KMT2B: variants seen among roughly 807,000 people sequenced by gnomAD.
KMT2B encodes histone-lysine N-methyltransferase 2B.
A neutral mutation model predicts 255.3 loss-of-function variants in KMT2B; 22 were observed. The ratio of observed to expected loss-of-function variants is 0.09; its 90% CI spans 0.06 to 0.12. The LOEUF is 0.12. Ranked by LOEUF, KMT2B falls within the 10% of genes least tolerant of loss-of-function variation. KMT2B has a pLI of 1.00. For missense variants in KMT2B, 3,149 were observed against 3,737.0 expected (o/e 0.84, Z 4.10); for synonymous variants, 1,730 against 1,498.1 (o/e 1.15, Z -3.57).
Position 35,732,128 on chromosome 19 carries a change from C to T in KMT2B, c.5658C>T (p.Pro1886=), listed in dbSNP as rs759413396. ...PLGGVSFGPL[P]SPGSPSSLTH... is the part of the protein sequence containing the mutation. ...GGGGTGTCTCCTTTGGCCCCCTGCC[C>T]TCCCCTGGTGAGCACCGGGCATGTG... Residue 1886 remains proline (P), a synonymous_variant, in exon 27 of 37, where the codon CCC becomes CCT. Transcript: ENST00000420124. The T allele has an allele frequency of 1.1e-5, 17 of 1,591,976 alleles. No individual in the cohort carries two copies. The African/African-American group carries it at 1.5e-4, about 14-fold the overall frequency.
chr19:35,737,345 A>T lies in KMT2B; in HGVS notation c.7550+82A>T. 7.3e-7 allele frequency: 1 copy of T among 1,365,548 alleles called. No individual in the cohort carries two copies. The highest frequency in any genetic ancestry group is 9.7e-7 in the Non-Finnish European group (1 of 1,032,976). The allele number at this position is 1,365,548 out of a possible 1,614,324, so 84.6% of individuals were successfully genotyped here. The stretch of plus-strand genomic sequence containing the variant: ...GGTGGGAGTTAACTGTAGAGGTTGG[A>T]AACTGAGGCCTGGGGAGGAGACACT... On this transcript the variant is annotated intron_variant, in intron 33 of 36. Coordinates refer to ENST00000420124, the MANE Select transcript of KMT2B (RefSeq NM_014727.3). This position sits in a 1 kb window ranked among gnomAD's most constrained non-coding sequence, Gnocchi z 5.3.
Position 35,721,018 on chromosome 19 carries a change from G to A in KMT2B, c.1671G>A (p.Val557=), listed in dbSNP as rs752887254. 11 of 1,608,004 alleles carry A rather than the reference G, an allele frequency of 6.8e-6. No individual in the cohort carries two copies. In the South Asian group the frequency reaches 7.8e-5, roughly 11 times the overall value. The part of the protein sequence containing the change: ...MDEDPPKPPK[V]EVSPVLRPPI... ...AAGACCCCCCCAAACCCCCAAAGGT[G>A]GAGGTCTCACCTGTCCTGCGACCTC... Residue 557 remains valine, a synonymous_variant, in exon 3 of 37, where the codon GTG becomes GTA. Coordinates refer to ENST00000420124, the MANE Select transcript of KMT2B (RefSeq NM_014727.3).
chr19:35,726,075 C>T (rs562432832), intron 13 of KMT2B, among the ~76,000 whole-genome samples, 161 bp from the exon 14 acceptor site: 8 of 152,298 alleles, frequency 5.3e-5, no homozygotes, highest in Admixed American at 2.6e-4. Context: ...TCCTCTCCTG[C>T]CCTCATGTTC....
In KMT2B at chr19:35,725,401, C is replaced by T; in HGVS notation, c.3642+68C>T. On this transcript the variant is annotated intron_variant, in intron 11 of 36. Transcript: ENST00000420124. The surrounding 1 kb of genome is among the most constrained non-coding windows in gnomAD (Gnocchi z 4.1). Reference sequence around the variant, plus strand: ...GGTCCTCACGGCCTGATTCCTTGGGCCCTCTCAGCTGGGTCTCATCCCTTG... The same window carrying T: ...GGTCCTCACGGCCTGATTCCTTGGGTCCTCTCAGCTGGGTCTCATCCCTTG... The T allele has an allele frequency of 1.9e-6, 3 of 1,579,410 alleles. No homozygotes were observed. Among genetic ancestry groups the T allele is most frequent in the Non-Finnish European group, 2.6e-6 (3 of 1,161,446 alleles).
In KMT2B at chr19:35,718,291, G is replaced by A; in HGVS notation, c.273G>A (p.Arg91=). ...RRLWAGPRVQ[R]GRGRGRGRGW... is the part of the protein sequence containing the mutation. ...TGTGGGCCGGCCCGCGGGTCCAGCGGGGCCGGGGACGGGGTCGGGGCCGGG... is the reference window on the plus strand; with the variant it reads ...TGTGGGCCGGCCCGCGGGTCCAGCGAGGCCGGGGACGGGGTCGGGGCCGGG... The change falls in exon 1 of 37, where the codon CGG becomes CGA. Residue 91 remains arginine (R), a synonymous_variant. Transcript: ENST00000420124. The surrounding 1 kb of genome is among the most constrained non-coding windows in gnomAD (Gnocchi z 5.0). 8.1e-7 allele frequency: 1 copy of A among 1,228,218 alleles called. No individual in the cohort carries two copies. Among genetic ancestry groups the A allele is most frequent in the East Asian group, 3.3e-5 (1 of 30,374 alleles). 76.1% of individuals were successfully genotyped at this position (1,228,218 alleles called of 1,614,324 possible).
In KMT2B at chr19:35,721,251, C is replaced by G; in HGVS notation, c.1904C>G (p.Pro635Arg). 1.3e-6 allele frequency: 2 copies of G among 1,529,190 alleles called. No individual in the cohort carries two copies. The highest frequency in any genetic ancestry group is 1.8e-6 in the Non-Finnish European group (2 of 1,137,654). The allele number at this position is 1,529,190 out of a possible 1,614,324, so 94.7% of individuals were successfully genotyped here. ...CCTCCCCCGGCCCCCTCCCCACCCC[C>G]TGCTCCTGCCACCTCCTCCCGGAGG... ...PPPPPAPSPPPAPATSSRRPL... is the reference protein window; with the variant it reads ...PPPPPAPSPPRAPATSSRRPL... Residue 635 changes from proline to arginine, a missense_variant, in exon 3 of 37, where the codon CCT (proline) becomes CGT (arginine). By Grantham distance (103) the Pro-to-Arg change is moderately radical (BLOSUM62 -2). This residue lies in a region of KMT2B where 1,188 missense variants were observed against 1,106.4 expected (regional missense o/e 1.07). Coordinates refer to ENST00000420124, the MANE Select transcript of KMT2B (RefSeq NM_014727.3).
At position 35,724,147 on chromosome 19, in the gene KMT2B, T is replaced by C. The variant is rs565183680; in HGVS notation, c.3334+140T>C. On this transcript the variant is annotated intron_variant, in intron 8 of 36. Coordinates refer to ENST00000420124, the MANE Select transcript of KMT2B (RefSeq NM_014727.3). ...TGAGGGCGGAGGAGGAGACAGTTTT[T>C]AGGTGGATGTACAGAACTGGCCTAT... is the stretch of plus-strand genomic sequence containing the variant. The C allele has an allele frequency of 1.1e-4, 84 of 775,694 alleles. No homozygotes were observed. The African/African-American group carries it at 1.3e-3, about 12-fold the overall frequency. 48.1% of individuals were successfully genotyped at this position (775,694 alleles called of 1,614,324 possible). A position where few individuals can be genotyped will look rare whatever the true frequency, so the allele number is the denominator to read the frequency against.
Position 35,733,494 on chromosome 19 carries a change from G to T in KMT2B, c.6945G>T (p.Gly2315=), listed in dbSNP as rs957862064. ...CAGAGGATACCCCTCAGGTTCCAGGGCTTGGCAGTGGCGGGTGAGTGCGGG... is the reference window on the plus strand; with the variant it reads ...CAGAGGATACCCCTCAGGTTCCAGGTCTTGGCAGTGGCGGGTGAGTGCGGG... ...EASEDTPQVP[G]LGSGGFSRVR... is the part of the protein sequence containing the mutation. Residue 2315 remains glycine (G), a synonymous_variant, in exon 28 of 37, where the codon GGG becomes GGT. Coordinates refer to ENST00000420124, the MANE Select transcript of KMT2B (RefSeq NM_014727.3). The surrounding 1 kb of genome is among the most constrained non-coding windows in gnomAD (Gnocchi z 4.3). The T allele has an allele frequency of 2.6e-6, 4 of 1,565,652 alleles. No individual in the cohort carries two copies. The South Asian group carries it at 4.7e-5, about 18-fold the overall frequency.
At position 35,722,341 on chromosome 19, in the gene KMT2B, C is replaced by T; in HGVS notation, c.2458-18C>T. ...TTTCCTCACTGTCCAGCCCCTGACC[C>T]TGTTTATTCCCTGCCAGCTGAGCCC... On this transcript the variant is annotated intron_variant, in intron 3 of 36. Transcript: ENST00000420124. 6.3e-7 allele frequency: 1 copy of T among 1,595,460 alleles called. No individual in the cohort carries two copies.
rs755245377 is a variant in KMT2B at position 35,733,667 on chromosome 19, G to A, written c.7030G>A (p.Ala2344Thr). 9 of 1,600,716 alleles carry A rather than the reference G, an allele frequency of 5.6e-6. No homozygotes were observed. Among genetic ancestry groups the A allele is most frequent in the African/African-American group, 2.7e-5 (2 of 74,582 alleles). The part of the protein sequence containing the change: ...VLDLDRPGEP[A>T]GEESPGPLQE... ...TGACCTGGATCGGCCTGGGGAGCCC[G>A]CTGGGGAAGAAAGTCCTGGGTGAGT... Residue 2344 changes from alanine to threonine, a missense_variant, in exon 29 of 37, where the codon GCT becomes ACT. Physicochemically the swap from Ala to Thr is moderately conservative, Grantham distance 58. Transcript: ENST00000420124. This position sits in a 1 kb window ranked among gnomAD's most constrained non-coding sequence, Gnocchi z 4.3.
chr19:35,719,721 G>T (rs1348926421), intron 2 of KMT2B, 63 bp from the exon 3 acceptor site: 29 of 1,533,712 alleles, frequency 1.9e-5, no homozygotes, highest in Non-Finnish European at 2.5e-5. Context: ...TGCCCTCCTG[G>T]AGCGCCTTCC....
Position 35,732,843 on chromosome 19 carries a change from T to C in KMT2B, c.6294T>C (p.Ala2098=). Residue 2098 remains alanine (A), a synonymous_variant, in exon 28 of 37, where the codon GCT becomes GCC. Transcript: ENST00000420124. Reference sequence around the variant, plus strand: ...TAGTCCGGGCAGGGGTCCTTGGGGCTGCAGGGGACAGGGCCCGGCCTCCTG... The same window carrying C: ...TAGTCCGGGCAGGGGTCCTTGGGGCCGCAGGGGACAGGGCCCGGCCTCCTG... ...PGVVRAGVLG[A]AGDRARPPED... The C allele has an allele frequency of 1.2e-6, 2 of 1,609,008 alleles. No individual in the cohort carries two copies. Among genetic ancestry groups the C allele is most frequent in the Non-Finnish European group, 1.7e-6 (2 of 1,178,342 alleles).
intron 5 of KMT2B, 27 bp downstream of exon 5, chr19:35,722,745 T>G: frequency 6.4e-7 from 1 of 1,560,358 alleles, no homozygotes; most frequent in Non-Finnish European, 8.7e-7. Context: ...GACAGCCATG[T>G]CAGGTTTGGG....
rs1158689034 is a variant in KMT2B at position 35,733,724 on chromosome 19, C to T, written c.7049+38C>T. The T allele has an allele frequency of 3.7e-6, 6 of 1,609,332 alleles. No homozygotes were observed. The highest frequency in any genetic ancestry group is 1.1e-5 in the South Asian group (1 of 90,450). ...GCCCCTCTCCCTGGAGGGTCTGGGACCTCTGTCCTTCCCCTTCCTGACAGG... is the reference window on the plus strand; with the variant it reads ...GCCCCTCTCCCTGGAGGGTCTGGGATCTCTGTCCTTCCCCTTCCTGACAGG... On this transcript the variant is annotated intron_variant, in intron 29 of 36. Coordinates refer to ENST00000420124, the MANE Select transcript of KMT2B (RefSeq NM_014727.3). The surrounding 1 kb of genome is among the most constrained non-coding windows in gnomAD (Gnocchi z 4.3).
rs144544479 is a variant in KMT2B at position 35,726,221 on chromosome 19, G to A, written c.3886-15G>A. 149 of 1,604,624 alleles carry A rather than the reference G, an allele frequency of 9.3e-5. 1 individual carries two copies. In the African/African-American group the frequency reaches 1.5e-3, roughly 16 times the overall value. On this transcript the variant is annotated splice_polypyrimidine_tract_variant and intron_variant, in intron 13 of 36. Coordinates refer to ENST00000420124, the MANE Select transcript of KMT2B (RefSeq NM_014727.3). ...CAGTGCCTGGTTTTCCCCTAACATCGCCCTGCTCCCCCAGATCTGTTCAGC... is the reference window on the plus strand; with the variant it reads ...CAGTGCCTGGTTTTCCCCTAACATCACCCTGCTCCCCCAGATCTGTTCAGC...
intron 19 of KMT2B, 64 bp downstream of exon 19, chr19:35,728,235 G>A: frequency 7.2e-7 from 1 of 1,397,164 alleles, no homozygotes; most frequent in East Asian, 2.5e-5. Flanking sequence ...GCATGCAGGG[G>A]CCACGCTGGG....
Position 35,732,444 on chromosome 19 carries a change from A to G in KMT2B, c.5895A>G (p.Pro1965=), listed in dbSNP as rs764496502. The G allele has an allele frequency of 4.3e-6, 7 of 1,612,518 alleles. No individual in the cohort carries two copies. The highest frequency in any genetic ancestry group is 5.9e-6 in the Non-Finnish European group (7 of 1,179,430). The change falls in exon 28 of 37, where the codon CCA becomes CCG. Residue 1965 remains proline, a synonymous_variant. Coordinates refer to ENST00000420124, the MANE Select transcript of KMT2B (RefSeq NM_014727.3). ...SGELAPPGPA[P]SPPPPEDLGP... ...AGCTGGCTCCCCCTGGCCCGGCCCCATCTCCACCACCCCCTGAAGACCTGG... is the reference window on the plus strand; with the variant it reads ...AGCTGGCTCCCCCTGGCCCGGCCCCGTCTCCACCACCCCCTGAAGACCTGG...
rs1969572245 is a variant in KMT2B at position 35,728,858 on chromosome 19, A to G, written c.4656A>G (p.Glu1552=). ...GACAGCAGGAACCAGAGACCCCAGA[A>G]TCAGGGCAGCCTCCAGGGGATCCCT... ...QWRQQEPETP[E]SGQPPGDPSA... is the part of the protein sequence containing the mutation. Residue 1552 remains glutamate (E), a synonymous_variant, in exon 20 of 37, where the codon GAA becomes GAG. Transcript: ENST00000420124. 1.9e-6 allele frequency: 3 copies of G among 1,613,884 alleles called. No individual in the cohort carries two copies. The highest frequency in any genetic ancestry group is 2.5e-6 in the Non-Finnish European group (3 of 1,179,812).
Position 35,727,733 on chromosome 19 carries a change from C to G in KMT2B, c.4338C>G (p.Pro1446=), listed in dbSNP as rs1252632652. ...GPDGKQLHPG[P]CGLQAVSQRF... ...ATGGGAAGCAACTGCACCCAGGACCCTGCGGCCTGCAAGCTGTGAGTCAGC... is the reference window on the plus strand; with the variant it reads ...ATGGGAAGCAACTGCACCCAGGACCGTGCGGCCTGCAAGCTGTGAGTCAGC... The change falls in exon 17 of 37, where the codon CCC becomes CCG. Residue 1446 remains proline, a synonymous_variant. Coordinates refer to ENST00000420124, the MANE Select transcript of KMT2B (RefSeq NM_014727.3). The surrounding 1 kb of genome is among the most constrained non-coding windows in gnomAD (Gnocchi z 4.2). The G allele has an allele frequency of 1.1e-5, 18 of 1,613,868 alleles. No individual in the cohort carries two copies. The highest frequency in any genetic ancestry group is 1.4e-5 in the Non-Finnish European group (17 of 1,179,890).
Sources: gnomAD v4.1 joint callset for allele counts (sites outside exome capture counted in the v4.1 genomes callset) on GRCh38, gnomAD v4.1.1 for gene constraint, gnomAD v4.1.1 regional missense constraint, Gnocchi (gnomAD v3.1) non-coding constraint, MANE v1.5 for transcripts, NCBI Gene and HGNC (gene_info 2026-07-23, HGNC 2026-07-21) for gene names.